The following ZNF521 variants were observed in gnomAD, a reference collection of about 807,000 sequenced individuals.
ZNF521 encodes the protein LYST-interacting protein 3.
Under a neutral mutation model 105.5 loss-of-function variants are expected in ZNF521, and 14 were observed. That is an observed-to-expected ratio of 0.13 (90% confidence interval 0.09 to 0.21). The LOEUF (loss-of-function observed/expected upper bound fraction) is 0.21. ZNF521 is among the 10% of genes least tolerant of loss of function. The probability of loss-of-function intolerance (pLI) is 1.00; values close to 1 mark genes in which losing one functional copy is unlikely to be tolerated. For missense variants in ZNF521, 1,233 were observed against 1,629.7 expected (o/e 0.76, Z 4.19); for synonymous variants, 635 against 606.0 (o/e 1.05, Z -0.70).
chr18:25,241,647 C>G (rs759385243), intron 3 of ZNF521, among the ~76,000 whole-genome samples: 1 of 151,990 alleles, frequency 6.6e-6, no homozygotes, highest in Non-Finnish European at 1.5e-5. Context: ...CAATTCTTAA[C>G]AAAACGTAAG....
chr18:25,339,582 T>C (rs946729924), intron 2 of ZNF521, among the ~76,000 whole-genome samples: 12 of 152,228 alleles, frequency 7.9e-5, no homozygotes, highest in Admixed American at 7.9e-4. Context: ...CTGCTAGCAC[T>C]CTTAGACTGC....
intron 5 of ZNF521, among the ~76,000 whole-genome samples, chr18:25,118,144 G>A (rs1452973201): frequency 6.6e-6 from 1 of 151,966 alleles, no homozygotes; most frequent in Non-Finnish European, 1.5e-5. Context: ...TGCCTTTAAG[G>A]TATTAAAATA....
intron 5 of ZNF521, among the ~76,000 whole-genome samples, chr18:25,120,922 G>A (rs145977487): frequency 4.2e-4 from 64 of 152,166 alleles, no homozygotes; most frequent in Middle Eastern, 3.4e-3. Context: ...GCATAGACCT[G>A]CTGTTCAGGA....
At chr18:25,176,457 T>G (rs1365634255) in intron 5 of ZNF521, among the ~76,000 whole-genome samples, 1 of 152,206 alleles carries the variant, frequency 6.6e-6, no homozygotes, top group Non-Finnish European at 1.5e-5. Context: ...GCAAAAACTC[T>G]GTGAAATCTT....
At chr18:25,201,409 C>A (rs1460792152) in intron 4 of ZNF521, 1 of 152,174 alleles carries the variant, frequency 6.6e-6, no homozygotes, top group Non-Finnish European at 1.5e-5. Flanking sequence ...ACCCTAATTA[C>A]CACTTTCTAT....
At chr18:25,085,498 A>G (rs1056262270) in intron 7 of ZNF521, among the ~76,000 whole-genome samples, 2 of 151,922 alleles carry the variant, frequency 1.3e-5, no homozygotes, top group Non-Finnish European at 2.9e-5. Context: ...AAAGATGAAC[A>G]ATGTATAGTG....
chr18:25,199,131 CATAGGGGAACAA>C (rs1447484840), intron 4 of ZNF521, among the ~76,000 whole-genome samples: 1 of 151,608 alleles, frequency 6.6e-6, no homozygotes, highest in Non-Finnish European at 1.5e-5. Context: ...TAAATACAGG[CATAGGGGAACAA>C]ATATTACTAT....
In ZNF521 at chr18:25,292,463, T is replaced by C. The variant is rs908857290; in HGVS notation, c.220+29545A>G. The stretch of plus-strand genomic sequence containing the variant: ...AAATTCTTCTCAACACTGGTATTTT[T>C]AAATCCTCCCCAGAGCTTTTTTGTA... On this transcript the variant is annotated intron_variant, in intron 3 of 7. Transcript: ENST00000361524. Among the ~76,000 whole-genome samples the C allele has an allele frequency of 2.0e-5, 3 of 152,202 alleles. No individual in the cohort carries two copies. In the East Asian group the frequency reaches 5.8e-4, roughly 29 times the overall value.
chr18:25,305,354 CTGTG>C (rs1467450652), intron 3 of ZNF521, among the ~76,000 whole-genome samples: 1 of 152,118 alleles, frequency 6.6e-6, no homozygotes, highest in Non-Finnish European at 1.5e-5. Flanking sequence ...ATAGATAATT[CTGTG>C]TTACTAAATA....
At chr18:25,150,919 C>T (rs1243476983) in intron 5 of ZNF521, among the ~76,000 whole-genome samples, 3 of 137,932 alleles carry the variant, frequency 2.2e-5, no homozygotes, top group Non-Finnish European at 4.6e-5. Context: ...GACAGAGTCT[C>T]GCTCTGTCAC....
intron 5 of ZNF521, among the ~76,000 whole-genome samples, chr18:25,180,103 T>C (rs1034774110): frequency 5.9e-5 from 9 of 152,194 alleles, no homozygotes; most frequent in African/African-American, 2.2e-4. Flanking sequence ...CGTTTAGAAA[T>C]GAAAGCCCTT....
At chr18:25,186,932 G>T (rs964514738) in intron 5 of ZNF521, among the ~76,000 whole-genome samples, 1 of 145,482 alleles carries the variant, frequency 6.9e-6, no homozygotes, top group Non-Finnish European at 1.5e-5. Flanking sequence ...GAAAAAGAAA[G>T]AAAAAGAAGA....
chr18:25,266,953 T>C (rs1909304364), intron 3 of ZNF521, among the ~76,000 whole-genome samples: 2 of 152,204 alleles, frequency 1.3e-5, no homozygotes, highest in African/African-American at 4.8e-5. Context: ...GAAAGTGGGC[T>C]GAAGCCAGGG....
In ZNF521 at chr18:25,092,007, T is replaced by C. The variant is rs775799530; in HGVS notation, c.3733A>G (p.Ile1245Val). ...CCCATCCCTTCGAAGCTGTGCTCTA[T>C]CAGGTGGCACTGGAGTTTGGCAGGA... ...DSPAKLQCHLIEHSFEGMGGT... is the reference protein window; with the variant it reads ...DSPAKLQCHLVEHSFEGMGGT... The change falls in exon 6 of 8, where the codon ATA becomes GTA. Residue 1245 changes from isoleucine (I) to valine (V), a missense_variant. Physicochemically the swap from Ile to Val is conservative, Grantham distance 29. Around this residue, in one of 6 missense-constraint regions of ZNF521, gnomAD observed 76 missense variants for 137.2 expected, o/e 0.55. Coordinates refer to ENST00000361524, the MANE Select transcript of ZNF521 (RefSeq NM_015461.3). 6.3e-5 allele frequency: 101 copies of C among 1,614,060 alleles called. No homozygotes were observed. The highest frequency in any genetic ancestry group is 8.2e-5 in the Non-Finnish European group (97 of 1,179,932).
intron 3 of ZNF521, among the ~76,000 whole-genome samples, chr18:25,315,989 C>T (rs1348895106): frequency 1.3e-5 from 2 of 152,158 alleles, no homozygotes; most frequent in South Asian, 2.1e-4. Flanking sequence ...ATAGCTTTCA[C>T]TTCTAATCAT....
intron 3 of ZNF521, among the ~76,000 whole-genome samples, chr18:25,228,401 A>C (rs1906313714): frequency 6.6e-6 from 1 of 152,258 alleles, no homozygotes; most frequent in African/African-American, 2.4e-5. Context: ...TGGATTATTA[A>C]ATGTTAGAAG....
chr18:25,224,856 C>A lies in ZNF521; in HGVS notation c.3062G>T (p.Arg1021Leu), dbSNP rs1568019340. ...PDLRNSLTGFRCVVCMQTVTS... is the reference protein window; with the variant it reads ...PDLRNSLTGFLCVVCMQTVTS... ...CACTGTCTGCATGCACACCACGCAG[C>A]GAAAGCCTGTCAGGGAATTCCTCAA... The change falls in exon 4 of 8, where the codon CGC becomes CTC. Residue 1021 changes from arginine to leucine, a missense_variant. Arg to Leu is a moderately radical substitution (Grantham distance 102). Coordinates refer to ENST00000361524, the MANE Select transcript of ZNF521 (RefSeq NM_015461.3). The A allele has an allele frequency of 1.9e-6, 3 of 1,613,958 alleles. No individual in the cohort carries two copies. Among genetic ancestry groups the A allele is most frequent in the Non-Finnish European group, 2.5e-6 (3 of 1,180,018 alleles).
In ZNF521 at chr18:25,118,070, C is replaced by T. The variant is rs1480044131; in HGVS notation, c.3659-25989G>A. Among the ~76,000 whole-genome samples the T allele has an allele frequency of 3.3e-5, 5 of 151,994 alleles. No individual in the cohort carries two copies. The East Asian group carries it at 9.6e-4, about 29-fold the overall frequency. The stretch of plus-strand genomic sequence containing the variant: ...TAAAAGCATATTACACAGAGCAAAA[C>T]AATGATTTGAATGATTTCTGTCTTC... On this transcript the variant is annotated intron_variant, in intron 5 of 7. Coordinates refer to ENST00000361524, the MANE Select transcript of ZNF521 (RefSeq NM_015461.3).
intron 5 of ZNF521, among the ~76,000 whole-genome samples, chr18:25,186,095 T>G (rs934106448): frequency 2.0e-5 from 3 of 152,206 alleles, no homozygotes; most frequent in African/African-American, 7.2e-5. Flanking sequence ...CTGCTGTAAT[T>G]GAAAGTCTTA....
Sources: gnomAD v4.1 joint callset for allele counts (sites outside exome capture counted in the v4.1 genomes callset) on GRCh38, gnomAD v4.1.1 for gene constraint, gnomAD v4.1.1 regional missense constraint, MANE v1.5 for transcripts, NCBI Gene and HGNC (gene_info 2026-07-23, HGNC 2026-07-21) for gene names.